ERN1: variants seen among roughly 807,000 people sequenced by gnomAD.
ERN1 encodes the protein serine/threonine-protein kinase/endoribonuclease IRE1.
ERN1 carries 39 observed loss-of-function variants against 113.1 expected under a neutral mutation model. The ratio of observed to expected loss-of-function variants is 0.34; its 90% confidence interval spans 0.27 to 0.45. The LOEUF is 0.45. ERN1 is among the 20% of genes least tolerant of loss of function. ERN1 has a pLI of 1.00. For synonymous variants in ERN1, 507 were observed against 515.9 expected (o/e 0.98, Z 0.23); for missense variants, 976 against 1,274.8 (o/e 0.77, Z 3.57).
At chr17:64,114,561 G>A (rs1002199644) in intron 1 of ERN1, among the ~76,000 whole-genome samples, 5 of 152,220 alleles carry the variant, frequency 3.3e-5, no homozygotes, top group Non-Finnish European at 7.3e-5. Flanking sequence ...AAGGCAGAGG[G>A]GATATGGGAC....
chr17:64,112,307 G>A (rs948900922), intron 1 of ERN1, among the ~76,000 whole-genome samples: 1 of 151,070 alleles, frequency 6.6e-6, no homozygotes, highest in Non-Finnish European at 1.5e-5. Context: ...GGTGGACAGC[G>A]CAGTGAGCTG....
intron 6 of ERN1, among the ~76,000 whole-genome samples, chr17:64,070,830 C>T (rs1304171604): frequency 6.6e-6 from 1 of 152,134 alleles, no homozygotes; most frequent in African/African-American, 2.4e-5. Context: ...CATGGCATCC[C>T]CGACATGTGT....
intron 1 of ERN1, among the ~76,000 whole-genome samples, chr17:64,117,170 C>T (rs1914829700): frequency 6.6e-6 from 1 of 151,766 alleles, no homozygotes; most frequent in African/African-American, 2.4e-5. Context: ...TGGCCAGGCG[C>T]AGTGGCTCAT....
At chr17:64,052,642 C>T (rs1286948544) in intron 17 of ERN1, 138 bp downstream of exon 17, 1 of 684,566 alleles carries the variant, frequency 1.5e-6, no homozygotes, top group Non-Finnish European at 2.3e-6. Context: ...AATGTTCACA[C>T]AGAAGCTCTT....
At chr17:64,124,680 G>C (rs1390824854) in intron 1 of ERN1, among the ~76,000 whole-genome samples, 1 of 152,102 alleles carries the variant, frequency 6.6e-6, no homozygotes, top group Non-Finnish European at 1.5e-5. Flanking sequence ...TACTTCTTTT[G>C]TAAATTGCCC....
intron 5 of ERN1, 37 bp downstream of exon 5, chr17:64,075,138 C>G: frequency 6.7e-7 from 1 of 1,496,380 alleles, no homozygotes; most frequent in South Asian, 1.2e-5. Flanking sequence ...GGACTTACAT[C>G]AAAGAGACAC....
At chr17:64,089,154 C>T (rs1567876298) in intron 2 of ERN1, among the ~76,000 whole-genome samples, 1 of 151,830 alleles carries the variant, frequency 6.6e-6, no homozygotes, top group Non-Finnish European at 1.5e-5. Context: ...CTTCTCTCTA[C>T]TAAAAATACA....
At chr17:64,096,958 G>A (rs1306933189) in intron 2 of ERN1, among the ~76,000 whole-genome samples, 1 of 152,208 alleles carries the variant, frequency 6.6e-6, no homozygotes, top group Non-Finnish European at 1.5e-5. Flanking sequence ...CAATTCTTGT[G>A]TGATTTGTTG....
At position 64,055,690 on chromosome 17, in the gene ERN1, C is replaced by T; in HGVS notation, c.1657G>A (p.Glu553Lys). ...CTGGCTTTACCTCCATCGTCTTGTT[C>T]CAGGGAGGGGCTGCTGCCAGCCTTG... ...ASKAGSSPSL[E>K]QDDGDEETSV... Residue 553 changes from glutamate to lysine, a missense_variant, in exon 13 of 22, where the codon GAA becomes AAA. By Grantham distance (56) the Glu-to-Lys change is moderately conservative. Transcript: ENST00000433197. The T allele has an allele frequency of 6.3e-7, 1 of 1,596,054 alleles. No individual in the cohort carries two copies. The highest frequency in any genetic ancestry group is 1.3e-5 in the African/African-American group (1 of 74,386).
intron 2 of ERN1, among the ~76,000 whole-genome samples, chr17:64,084,560 A>G (rs890769477): frequency 2.0e-5 from 3 of 152,172 alleles, no homozygotes; most frequent in African/African-American, 7.2e-5. Flanking sequence ...CATCAACCTC[A>G]TGGGGCATCT....
rs775550983 is a variant in ERN1, at chr17:64,052,894, G to A, written c.2139C>T (p.Gly713=). ...TGCCCACTGCCAGCTTCTTGCAGAG[G>A]CCAAAGTCGGAGATCATGGCCTTGA... The part of the protein sequence containing the change: ...GKIKAMISDF[G]LCKKLAVGRH... The change falls in exon 17 of 22, where the codon GGC becomes GGT. Residue 713 remains glycine (G), a synonymous_variant. Transcript: ENST00000433197. The A allele has an allele frequency of 6.2e-7, 1 of 1,613,882 alleles. No individual in the cohort carries two copies.
chr17:64,079,838 T>G (rs1598065030), intron 3 of ERN1, 104 bp from the exon 4 acceptor site: 1 of 853,550 alleles, frequency 1.2e-6, no homozygotes, highest in Non-Finnish European at 1.9e-6. Flanking sequence ...GAGTGGAGGG[T>G]GGTTGTGTGT....
At chr17:64,046,247 C>T (rs1204947481) in intron 19 of ERN1, among the ~76,000 whole-genome samples, 1 of 152,158 alleles carries the variant, frequency 6.6e-6, no homozygotes, top group Non-Finnish European at 1.5e-5. Context: ...TTACAATTGT[C>T]AGAGAGAAGC....
intron 6 of ERN1, among the ~76,000 whole-genome samples, chr17:64,069,575 G>A (rs978877811): frequency 6.6e-6 from 1 of 152,308 alleles, no homozygotes; most frequent in Admixed American, 6.5e-5. Flanking sequence ...ACCCCTGGAG[G>A]AGGGGAACCT....
intron 1 of ERN1, among the ~76,000 whole-genome samples, chr17:64,105,781 C>T (rs1029230293): frequency 6.6e-6 from 1 of 152,086 alleles, no homozygotes; most frequent in Non-Finnish European, 1.5e-5. Context: ...GCCTGGCCAA[C>T]GTGGTGAAAC....
At chr17:64,096,540 C>T (rs1343863282) in intron 2 of ERN1, among the ~76,000 whole-genome samples, 1 of 152,162 alleles carries the variant, frequency 6.6e-6, no homozygotes, top group Non-Finnish European at 1.5e-5. Flanking sequence ...GCACTTGAGT[C>T]ATCCCAAAAC....
At position 64,049,713 on chromosome 17, in the gene ERN1, A is replaced by C. The variant is rs1023991162; in HGVS notation, c.2254-511T>G. Reference sequence around the variant, plus strand: ...CTTATGATTCAAAAACAGCCCTAGAAAGAAACTATCTGACAAGTTACCAAG... The same window carrying C: ...CTTATGATTCAAAAACAGCCCTAGACAGAAACTATCTGACAAGTTACCAAG... On this transcript the variant is annotated intron_variant, in intron 17 of 21. Transcript: ENST00000433197. The surrounding 1 kb of genome is among the most constrained non-coding windows in gnomAD (Gnocchi z 4.7). Among the ~76,000 whole-genome samples, 2 of 152,210 alleles carry C rather than the reference A, an allele frequency of 1.3e-5. No homozygotes were observed. Among genetic ancestry groups the C allele is most frequent in the African/African-American group, 2.4e-5 (1 of 41,440 alleles).
chr17:64,075,263 A>AAAG lies in ERN1; in HGVS notation c.283-17_283-16insCTT. Reference sequence around the variant, plus strand: ...AAGGAAGTTTCTTTAAAAAAAAAAAAAAAGAAAAAAAAAAGTTAACCAAGT... The same window carrying AAAG: ...AAGGAAGTTTCTTTAAAAAAAAAAAAAAGAAAGAAAAAAAAAAGTTAACCAAGT... On this transcript the variant is annotated splice_polypyrimidine_tract_variant and intron_variant, in intron 4 of 21. Coordinates refer to ENST00000433197, the MANE Select transcript of ERN1 (RefSeq NM_001433.5). The AAAG allele has an allele frequency of 1.3e-6, 2 of 1,493,530 alleles. No individual in the cohort carries two copies. Among genetic ancestry groups the AAAG allele is most frequent in the East Asian group, 2.6e-5 (1 of 39,092 alleles). The allele number at this position is 1,493,530 out of a possible 1,614,324, so 92.5% of individuals were successfully genotyped here.
At chr17:64,070,969 G>A (rs1248351041) in intron 6 of ERN1, among the ~76,000 whole-genome samples, 3 of 152,182 alleles carry the variant, frequency 2.0e-5, no homozygotes, top group African/African-American at 7.2e-5. Flanking sequence ...GACAGCAGCT[G>A]AGCAAAACAA....
Sources: gnomAD v4.1 joint callset for allele counts (sites outside exome capture counted in the v4.1 genomes callset) on GRCh38, gnomAD v4.1.1 for gene constraint, Gnocchi (gnomAD v3.1) non-coding constraint, MANE v1.5 for transcripts, NCBI Gene and HGNC (gene_info 2026-07-23, HGNC 2026-07-21) for gene names.